Variants in LIPC observed in about 807,000 individuals in gnomAD.
The protein encoded by LIPC is lipase C, hepatic type.
A neutral mutation model predicts 50.7 loss-of-function variants in LIPC; 44 were observed. The observed-to-expected ratio is 0.87, with a 90% CI of 0.68 to 1.11. The LOEUF (loss-of-function observed/expected upper bound fraction) is 1.11, where lower values mean the gene tolerates loss of function less well. LIPC is among the 50% of genes most tolerant of loss of function. LIPC has a pLI of 0.00. For missense variants in LIPC, 697 were observed against 648.2 expected, an observed-to-expected ratio of 1.08 and a Z score of -0.82; for synonymous variants, 271 against 256.4, an observed-to-expected ratio of 1.06 and a Z score of -0.54.
intron 6 of LIPC, among the ~76,000 whole-genome samples, chr15:58,554,304 T>C (rs1329881989): frequency 1.3e-5 from 2 of 152,178 alleles, no homozygotes; most frequent in African/African-American, 4.8e-5. Context: ...AATGGACTAT[T>C]TCATGCCTTT....
chr15:58,548,870 C>A (rs190052531), intron 6 of LIPC, among the ~76,000 whole-genome samples: 1 of 152,206 alleles, frequency 6.6e-6, no homozygotes, highest in South Asian at 2.1e-4. Context: ...CAAGGCCACA[C>A]GCAGTTTACC....
chr15:58,489,282 A>C (rs1891496585), intron 1 of LIPC, among the ~76,000 whole-genome samples: 1 of 139,618 alleles, frequency 7.2e-6, no homozygotes. Flanking sequence ...TAGCTGTTGT[A>C]ATCACCCAGC....
intron 1 of LIPC, among the ~76,000 whole-genome samples, chr15:58,519,139 T>G (rs1224608778): frequency 6.6e-6 from 1 of 152,084 alleles, no homozygotes; most frequent in African/African-American, 2.4e-5. Context: ...CCAAGCGCAG[T>G]GGCTCACGCC....
At chr15:58,479,377 G>A (rs148623338) in intron 1 of LIPC, among the ~76,000 whole-genome samples, 41 of 152,296 alleles carry the variant, frequency 2.7e-4, no homozygotes, top group African/African-American at 8.7e-4. Context: ...AATGTGAAGC[G>A]CATTTGTCCA....
intron 1 of LIPC, among the ~76,000 whole-genome samples, chr15:58,460,318 A>G (rs1894296571): frequency 1.3e-5 from 2 of 152,198 alleles, no homozygotes; most frequent in Middle Eastern, 3.2e-3. Flanking sequence ...GGAAGTGGAG[A>G]ACAGCTCATG....
intron 2 of LIPC, among the ~76,000 whole-genome samples, chr15:58,540,416 T>A (rs1354064088): frequency 1.3e-5 from 2 of 152,202 alleles, no homozygotes; most frequent in African/African-American, 2.4e-5. Flanking sequence ...AGGAGAGCAT[T>A]ATTAACCCCA....
chr15:58,557,635 T>C (rs1205463237), intron 6 of LIPC, among the ~76,000 whole-genome samples: 3 of 152,096 alleles, frequency 2.0e-5, no homozygotes, highest in African/African-American at 7.2e-5. Flanking sequence ...TCCGCCCCCC[T>C]CAGCCTCCCA....
At chr15:58,506,935 G>A (rs1302390840) in intron 1 of LIPC, among the ~76,000 whole-genome samples, 1 of 152,232 alleles carries the variant, frequency 6.6e-6, no homozygotes, top group African/African-American at 2.4e-5. Context: ...AGAGGAGGAA[G>A]CAAACACATC....
intron 8 of LIPC, among the ~76,000 whole-genome samples, chr15:58,564,286 A>G (rs75472403): frequency 0.011 from 1,647 of 152,114 alleles, 31 homozygotes; most frequent in African/African-American, 0.037. Flanking sequence ...GAAGGGGTCC[A>G]GGATGCCTGT....
intron 1 of LIPC, among the ~76,000 whole-genome samples, chr15:58,476,323 T>C (rs1293500221): frequency 6.6e-6 from 1 of 152,222 alleles, no homozygotes; most frequent in Non-Finnish European, 1.5e-5. Flanking sequence ...GGGAAACACA[T>C]GGGACTAGCA....
chr15:58,432,244 C>CT, intron 1 of LIPC, 124 bp downstream of exon 1: 1 of 760,972 alleles, frequency 1.3e-6, no homozygotes, highest in Non-Finnish European at 2.4e-6. Context: ...CCAGGTGGTT[C>CT]TATACACGAC....
intron 1 of LIPC, among the ~76,000 whole-genome samples, chr15:58,464,759 G>A (rs906007577): frequency 6.6e-6 from 1 of 152,200 alleles, no homozygotes; most frequent in Admixed American, 6.5e-5. Flanking sequence ...GATCATCTGA[G>A]GTCAGGGGTT....
At chr15:58,562,776 G>A (rs1487837751) in intron 7 of LIPC, among the ~76,000 whole-genome samples, 3 of 151,548 alleles carry the variant, frequency 2.0e-5, no homozygotes, top group Non-Finnish European at 4.4e-5. Context: ...CAGCATACTC[G>A]GGAAGAGCTA....
chr15:58,508,131 G>T (rs921673260), intron 1 of LIPC, among the ~76,000 whole-genome samples: 1 of 151,990 alleles, frequency 6.6e-6, no homozygotes, highest in Non-Finnish European at 1.5e-5. Context: ...AGAGGTAATT[G>T]CTTTCTTCCT....
chr15:58,558,212 A>G (rs1235367514), intron 6 of LIPC, among the ~76,000 whole-genome samples: 1 of 151,796 alleles, frequency 6.6e-6, no homozygotes, highest in African/African-American at 2.4e-5. Context: ...AGCTGGGACT[A>G]CAGGCGCCCA....
intron 1 of LIPC, among the ~76,000 whole-genome samples, chr15:58,465,676 TAGGAAGTCAGCTGGGGC>T (rs1894532086): frequency 1.3e-5 from 2 of 152,038 alleles, no homozygotes; most frequent in South Asian, 4.2e-4. Context: ...TTCACAGGCC[TAGGAAGTCAGCTGGGGC>T]AGGAAGGCTC....
rs1192484517 is a variant in LIPC, at chr15:58,542,741, C to T, written c.574+90C>T. The T allele has an allele frequency of 3.6e-6, 3 of 822,144 alleles. No individual in the cohort carries two copies. In the African/African-American group the frequency reaches 5.0e-5, roughly 14 times the overall value. The allele number at this position is 822,144 out of a possible 1,614,324, so 50.9% of individuals were successfully genotyped here. A position where few individuals can be genotyped will look rare whatever the true frequency, so the allele number is the denominator to read the frequency against. On this transcript the variant is annotated intron_variant, in intron 4 of 8. Transcript: ENST00000299022. The stretch of plus-strand genomic sequence containing the variant: ...TTTTCCAACAGGCTCATCATTAAAA[C>T]ACCCCAACACTTATTGTGAGGGATC...
At chr15:58,525,098 T>TG (rs1892763113) in intron 1 of LIPC, among the ~76,000 whole-genome samples, 1 of 152,220 alleles carries the variant, frequency 6.6e-6, no homozygotes, top group African/African-American at 2.4e-5. Flanking sequence ...TCCTGATGTA[T>TG]GATGAGAGGT....
rs188833079 is a variant in LIPC, at chr15:58,451,649, G to A, written c.88+19529G>A. 2.1e-4 allele frequency among the ~76,000 whole-genome samples: 32 copies of A among 152,330 alleles called. 1 individual carries two copies. The East Asian group carries it at 5.2e-3, about 25-fold the overall frequency. On this transcript the variant is annotated intron_variant, in intron 1 of 8. Transcript: ENST00000299022. ...AACATCCTATCCACCACTTGGATAG[G>A]ATCAACTTTACCCAAACAGGACTGA...
Sources: gnomAD v4.1 joint callset for allele counts (sites outside exome capture counted in the v4.1 genomes callset) on GRCh38, gnomAD v4.1.1 for gene constraint, MANE v1.5 for transcripts, NCBI Gene and HGNC (gene_info 2026-07-23, HGNC 2026-07-21) for gene names.